The following NOL4 variants were observed in gnomAD, a reference collection of about 807,000 sequenced individuals.
NOL4 encodes the protein nucleolar protein 4, also known as cancer/testis antigen 125.
A neutral mutation model predicts 75.9 loss-of-function variants in NOL4; 17 were observed. That is an observed-to-expected ratio of 0.22 (90% CI 0.15 to 0.34). The LOEUF is 0.34. Among genes scored for constraint, NOL4 ranks in the 10% least tolerant of loss-of-function variants. The pLI, the probability that NOL4 is intolerant of heterozygous loss-of-function variation, is 1.00. For missense variants in NOL4, 614 were observed against 793.5 expected (o/e 0.77, Z 2.72); for synonymous variants, 292 against 289.9 (o/e 1.01, Z -0.07).
At chr18:34,160,883 G>A (rs975346879) in intron 1 of NOL4, among the ~76,000 whole-genome samples, 1 of 152,026 alleles carries the variant, frequency 6.6e-6, no homozygotes, top group African/African-American at 2.4e-5. Flanking sequence ...GCTAACTATA[G>A]TCACCCTGCA....
chr18:34,133,398 CA>C (rs2080750755), intron 1 of NOL4, among the ~76,000 whole-genome samples: 1 of 151,176 alleles, frequency 6.6e-6, no homozygotes, highest in South Asian at 2.1e-4. Flanking sequence ...AGGTAAATGA[CA>C]TCAGACAGTA....
At chr18:33,867,132 G>A (rs149924384) in intron 10 of NOL4, among the ~76,000 whole-genome samples, 5 of 152,222 alleles carry the variant, frequency 3.3e-5, no homozygotes, top group African/African-American at 1.2e-4. Flanking sequence ...TGTAAATACC[G>A]TAGGGGGTTA....
At chr18:33,897,426 T>C (rs1437649321) in intron 9 of NOL4, among the ~76,000 whole-genome samples, 5 of 152,234 alleles carry the variant, frequency 3.3e-5, no homozygotes, top group African/African-American at 1.2e-4. Context: ...TGGAATATTA[T>C]GTAGCCATAA....
chr18:33,887,756 T>C (rs2064846949), intron 9 of NOL4, among the ~76,000 whole-genome samples: 1 of 152,188 alleles, frequency 6.6e-6, no homozygotes, highest in Non-Finnish European at 1.5e-5. Context: ...AACTCATCAT[T>C]TTTTATGGCT....
At chr18:34,176,647 T>A (rs1418896818) in intron 1 of NOL4, among the ~76,000 whole-genome samples, 4 of 152,076 alleles carry the variant, frequency 2.6e-5, no homozygotes, top group Non-Finnish European at 1.5e-5. Context: ...TGCCCTTATA[T>A]GTAGAAATAT....
chr18:34,196,919 T>C (rs1004174572), intron 1 of NOL4, among the ~76,000 whole-genome samples: 6 of 152,080 alleles, frequency 3.9e-5, no homozygotes, highest in African/African-American at 1.4e-4. Flanking sequence ...GCAGATACTT[T>C]AGAACTTTTT....
chr18:33,999,211 T>C lies in NOL4; in HGVS notation c.1056+20107A>G, dbSNP rs868764218. On this transcript the variant is annotated intron_variant, in intron 6 of 10. Transcript: ENST00000261592. ...CTGGAGTGCAGTGGCACAATCATAG[T>C]TTATTGGCTGTGTGCTCTAACTCCT... Among the ~76,000 whole-genome samples, 10 of 151,106 alleles carry C rather than the reference T, an allele frequency of 6.6e-5. No individual in the cohort carries two copies. The South Asian group carries it at 1.9e-3, about 29-fold the overall frequency.
At chr18:34,218,565 T>A (rs995793120) in intron 1 of NOL4, among the ~76,000 whole-genome samples, 6 of 152,190 alleles carry the variant, frequency 3.9e-5, no homozygotes. Context: ...TGCTGGGGAC[T>A]TGTCATAGAT....
At chr18:33,874,006 G>A (rs552813654) in intron 10 of NOL4, among the ~76,000 whole-genome samples, 1 of 151,980 alleles carries the variant, frequency 6.6e-6, no homozygotes, top group Non-Finnish European at 1.5e-5. Flanking sequence ...GTATGCACGG[G>A]GATGAAGAAT....
intron 1 of NOL4, among the ~76,000 whole-genome samples, chr18:34,176,605 A>G (rs180816316): frequency 1.3e-5 from 2 of 152,186 alleles, no homozygotes; most frequent in African/African-American, 2.4e-5. Context: ...GCTAAATGAG[A>G]TCATAAGAAT....
chr18:33,891,515 G>A (rs2065093392), intron 9 of NOL4, among the ~76,000 whole-genome samples: 1 of 152,108 alleles, frequency 6.6e-6, no homozygotes, highest in Non-Finnish European at 1.5e-5. Context: ...CTTGGGAAAA[G>A]GTAGCCTCAA....
chr18:33,920,066 G>A (rs545262932), intron 9 of NOL4, among the ~76,000 whole-genome samples: 2 of 152,056 alleles, frequency 1.3e-5, no homozygotes, highest in South Asian at 4.2e-4. Flanking sequence ...CTTATGCTCT[G>A]CATATCTATC....
intron 5 of NOL4, among the ~76,000 whole-genome samples, chr18:34,066,183 A>C (rs530057157): frequency 1.3e-5 from 2 of 151,982 alleles, no homozygotes; most frequent in African/African-American, 2.4e-5. Flanking sequence ...AATAGGTATA[A>C]ATAATTTAAT....
chr18:34,204,354 A>G (rs1017070215), intron 1 of NOL4, among the ~76,000 whole-genome samples: 1 of 152,018 alleles, frequency 6.6e-6, no homozygotes, highest in African/African-American at 2.4e-5. Flanking sequence ...TTCCAGTAAT[A>G]CTATCATATT....
chr18:34,203,623 T>C (rs955123113), intron 1 of NOL4, among the ~76,000 whole-genome samples: 5 of 150,006 alleles, frequency 3.3e-5, no homozygotes, highest in African/African-American at 1.2e-4. Context: ...AATAAAAAAT[T>C]CAGTTCAAAA....
intron 1 of NOL4, among the ~76,000 whole-genome samples, chr18:34,159,897 G>A (rs1262867745): frequency 6.6e-6 from 1 of 152,090 alleles, no homozygotes. Flanking sequence ...AGCGGGAGAG[G>A]GATGCGGGGA....
At chr18:34,027,323 G>A (rs1413563551) in intron 5 of NOL4, among the ~76,000 whole-genome samples, 1 of 152,078 alleles carries the variant, frequency 6.6e-6, no homozygotes, top group African/African-American at 2.4e-5. Context: ...AGGAATCATG[G>A]GATTAGCAAT....
chr18:34,223,530 T>C lies in NOL4; in HGVS notation c.-277A>G. The C allele has an allele frequency of 1.9e-6, 1 of 536,676 alleles. No homozygotes were observed. Among genetic ancestry groups the C allele is most frequent in the East Asian group, 3.2e-5 (1 of 31,114 alleles). 33.2% of individuals were successfully genotyped at this position (536,676 alleles called of 1,614,324 possible). ...TTCCCTTAGCGGTCGGTCTCTTTAA[T>C]ATTTTGTGACCAGGACCATCCCAAC... On this transcript the variant is annotated 5_prime_UTR_variant, in exon 1 of 11. It adds an upstream start codon to the 5' untranslated region. Coordinates refer to ENST00000261592, the MANE Select transcript of NOL4 (RefSeq NM_003787.5).
intron 9 of NOL4, among the ~76,000 whole-genome samples, chr18:33,905,132 C>A (rs911940211): frequency 2.0e-5 from 3 of 152,158 alleles, no homozygotes; most frequent in Admixed American, 1.3e-4. Flanking sequence ...GGAGAACGAA[C>A]TGATATTTTA....
Sources: gnomAD v4.1 joint callset for allele counts (sites outside exome capture counted in the v4.1 genomes callset) on GRCh38, gnomAD v4.1.1 for gene constraint, MANE v1.5 for transcripts, NCBI Gene and HGNC (gene_info 2026-07-23, HGNC 2026-07-21) for gene names.